Variants in MALRD1 observed in about 807,000 individuals in gnomAD.
The protein encoded by MALRD1 is MAM and LDL-receptor class A domain-containing protein 1.
A neutral mutation model predicts 242.1 loss-of-function variants in MALRD1; 247 were observed. The ratio of observed to expected loss-of-function variants is 1.02; its 90% CI spans 0.92 to 1.13. The LOEUF is 1.13. Among genes scored for constraint, MALRD1 ranks in the 50% most tolerant of loss-of-function variants. The probability of loss-of-function intolerance (pLI) is 0.00; values close to 1 mark genes in which losing one functional copy is unlikely to be tolerated. For synonymous variants in MALRD1, 995 were observed against 866.6 expected (o/e 1.15, Z -2.60); for missense variants, 2,989 against 2,533.1 (o/e 1.18, Z -3.86).
intron 33 of MALRD1, among the ~76,000 whole-genome samples, chr10:19,581,813 T>C (rs909499733): frequency 2.4e-4 from 37 of 151,384 alleles, no homozygotes; most frequent in African/African-American, 8.0e-4. Context: ...CCACAATGGT[T>C]GAACTAGTTG....
chr10:19,521,192 A>G (rs925950971), intron 31 of MALRD1, among the ~76,000 whole-genome samples: 5 of 152,112 alleles, frequency 3.3e-5, no homozygotes, highest in African/African-American at 9.6e-5. Flanking sequence ...AGACACCGTA[A>G]TTTCTCTAAA....
intron 12 of MALRD1, among the ~76,000 whole-genome samples, chr10:19,158,114 A>T (rs925139154): frequency 6.6e-6 from 1 of 152,242 alleles, no homozygotes; most frequent in African/African-American, 2.4e-5. Flanking sequence ...TGCTGTTGAA[A>T]TGCTGTTACT....
rs11814596 is a variant in MALRD1 at position 19,454,815 on chromosome 10, A to G, written c.5029+4325A>G. Among the ~76,000 whole-genome samples, 346 of 152,046 alleles carry G rather than the reference A, an allele frequency of 2.3e-3. 1 individual carries two copies. The highest frequency in any genetic ancestry group is 8.1e-3 in the African/African-American group (334 of 41,486). On this transcript the variant is annotated intron_variant, in intron 29 of 39. Transcript: ENST00000454679. The stretch of plus-strand genomic sequence containing the variant: ...TATCTACTTTAGCTGCAAATAGGAA[A>G]GCTATTTAAGTTTCATATTTCTTTC...
At chr10:19,571,905 C>G (rs1836563839) in intron 33 of MALRD1, among the ~76,000 whole-genome samples, 3 of 152,154 alleles carry the variant, frequency 2.0e-5, no homozygotes, top group Non-Finnish European at 4.4e-5. Context: ...CAGCTTTCTG[C>G]TCAGGTCCAG....
At chr10:19,261,056 G>A (rs1169497916) in intron 19 of MALRD1, among the ~76,000 whole-genome samples, 1 of 152,160 alleles carries the variant, frequency 6.6e-6, no homozygotes, top group Non-Finnish European at 1.5e-5. Flanking sequence ...AGATTAGAGA[G>A]AATCACTGTG....
At chr10:19,700,058 ACACG>A (rs1833556644) in intron 38 of MALRD1, among the ~76,000 whole-genome samples, 2 of 151,114 alleles carry the variant, frequency 1.3e-5, no homozygotes, top group African/African-American at 4.9e-5. Context: ...ACACACACAC[ACACG>A]AAATCATTAC....
intron 36 of MALRD1, among the ~76,000 whole-genome samples, chr10:19,632,226 T>C (rs1259882116): frequency 2.6e-5 from 4 of 152,094 alleles, no homozygotes; most frequent in Non-Finnish European, 4.4e-5. Context: ...CAAAGAAAAA[T>C]CTGTAGTTGG....
rs113175605 is a variant in MALRD1, at chr10:19,070,387, G to T, written c.340+3528G>T. On this transcript the variant is annotated intron_variant, in intron 2 of 39. Transcript: ENST00000454679. ...TACCTCCTGTAATTTATTGCATATTGTACTGAAAGTGAAAAATAGAGTGGT... is the reference window on the plus strand; with the variant it reads ...TACCTCCTGTAATTTATTGCATATTTTACTGAAAGTGAAAAATAGAGTGGT... 2.4e-3 allele frequency among the ~76,000 whole-genome samples: 369 copies of T among 152,118 alleles called. 2 individuals are homozygous for T. Among genetic ancestry groups the T allele is most frequent in the African/African-American group, 8.4e-3 (350 of 41,508 alleles).
chr10:19,134,032 G>A (rs1049800801), intron 9 of MALRD1, 84 bp downstream of exon 9: 3 of 560,188 alleles, frequency 5.4e-6, no homozygotes, highest in Non-Finnish European at 7.9e-6. Context: ...CACTGCTAAA[G>A]TTAAATTAGC....
At chr10:19,113,818 C>CACACACACACACACACACAG (rs1564400084) in intron 5 of MALRD1, among the ~76,000 whole-genome samples, 110 of 147,510 alleles carry the variant, frequency 7.5e-4, no homozygotes, top group Non-Finnish European at 1.5e-3. Context: ...CACACACACA[C>CACACACACACACACACACAG]ACACACACAC....
At chr10:19,317,971 A>G (rs1564557463) in intron 21 of MALRD1, among the ~76,000 whole-genome samples, 1 of 152,040 alleles carries the variant, frequency 6.6e-6, no homozygotes, top group South Asian at 2.1e-4. Context: ...GGTTTATGAT[A>G]TGTTTTATTA....
chr10:19,580,427 T>G (rs1019191560), intron 33 of MALRD1, among the ~76,000 whole-genome samples: 3 of 152,128 alleles, frequency 2.0e-5, no homozygotes, highest in African/African-American at 7.2e-5. Flanking sequence ...ACTCTGATAA[T>G]AGGGTTTTCA....
intron 31 of MALRD1, among the ~76,000 whole-genome samples, chr10:19,529,189 C>T (rs1252257816): frequency 6.6e-6 from 1 of 152,174 alleles, no homozygotes; most frequent in African/African-American, 2.4e-5. Context: ...CTATTCTTAA[C>T]AAGGCCTGCC....
Position 19,124,601 on chromosome 10 carries a change from C to T in MALRD1, c.874C>T (p.Arg292Cys), listed in dbSNP as rs1054346191. 6.4e-5 allele frequency: 79 copies of T among 1,233,582 alleles called. No homozygotes were observed. In the East Asian group the frequency reaches 1.2e-3, roughly 19 times the overall value. 76.4% of individuals were successfully genotyped at this position (1,233,582 alleles called of 1,614,324 possible). A position where few individuals can be genotyped will look rare whatever the true frequency, so the allele number is the denominator to read the frequency against. The change falls in exon 7 of 40, where the codon CGC becomes TGC. Residue 292 changes from arginine (R) to cysteine (C), a missense_variant. Physicochemically the swap from Arg to Cys is radical, Grantham distance 180 (BLOSUM62 -3). Transcript: ENST00000454679. ...ATCTGCTGGCCAAATTTCCTGGATG[C>T]GCACAAAAGCGAGAGAGATCCCTGC... is the stretch of plus-strand genomic sequence containing the variant. Reference protein sequence around the residue: ...EASAGQISWMRTKAREIPAFE... With the variant: ...EASAGQISWMCTKAREIPAFE...
At position 19,124,378 on chromosome 10, in the gene MALRD1, A is replaced by G. The variant is rs559600703; in HGVS notation, c.797-146A>G. On this transcript the variant is annotated intron_variant, in intron 6 of 39. Coordinates refer to ENST00000454679, the MANE Select transcript of MALRD1 (RefSeq NM_001142308.3). Reference sequence around the variant, plus strand: ...GAGTTGCTGGTACACTCGAAGGCTTATTGAATCCAAACTTGCAGATATAAA... The same window carrying G: ...GAGTTGCTGGTACACTCGAAGGCTTGTTGAATCCAAACTTGCAGATATAAA... 5.5e-6 allele frequency: 4 copies of G among 728,198 alleles called. No individual in the cohort carries two copies. The South Asian group carries it at 3.0e-4, about 54-fold the overall frequency. The allele number at this position is 728,198 out of a possible 1,614,324, so 45.1% of individuals were successfully genotyped here. A position where few individuals can be genotyped will look rare whatever the true frequency, so the allele number is the denominator to read the frequency against.
intron 28 of MALRD1, among the ~76,000 whole-genome samples, chr10:19,445,115 G>C (rs1460259223): frequency 6.6e-6 from 1 of 152,086 alleles, no homozygotes; most frequent in Non-Finnish European, 1.5e-5. Context: ...TGAAGCTTGT[G>C]CATGTATCAC....
Position 19,351,990 on chromosome 10 carries a change from C to G in MALRD1, c.4150-16C>G. 9.9e-6 allele frequency: 15 copies of G among 1,522,256 alleles called. No individual in the cohort carries two copies. The highest frequency in any genetic ancestry group is 1.3e-5 in the Non-Finnish European group (15 of 1,122,846). 94.3% of individuals were successfully genotyped at this position (1,522,256 alleles called of 1,614,324 possible). ...ACTAATCATATCGTATGTAATATTCCTATTCTTGATTACAGATTATTTTTC... is the reference window on the plus strand; with the variant it reads ...ACTAATCATATCGTATGTAATATTCGTATTCTTGATTACAGATTATTTTTC... On this transcript the variant is annotated splice_polypyrimidine_tract_variant and intron_variant, in intron 25 of 39. Transcript: ENST00000454679.
At chr10:19,301,613 C>T (rs1205826633) in intron 21 of MALRD1, among the ~76,000 whole-genome samples, 2 of 151,740 alleles carry the variant, frequency 1.3e-5, no homozygotes, top group African/African-American at 4.8e-5. Context: ...AACACAGGAA[C>T]AGAAAAGCAA....
chr10:19,709,264 A>T (rs911555063), intron 38 of MALRD1, among the ~76,000 whole-genome samples: 1 of 147,906 alleles, frequency 6.8e-6, no homozygotes, highest in Non-Finnish European at 1.5e-5. Flanking sequence ...AAAAAAAAAA[A>T]AAAATACAAA....
Sources: allele counts gnomAD v4.1 joint callset (sites outside exome capture counted in the v4.1 genomes callset), GRCh38; gene constraint gnomAD v4.1.1; transcripts MANE v1.5; gene names NCBI Gene and HGNC (gene_info 2026-07-23, HGNC 2026-07-21).